The following GBP5 variants were observed in gnomAD, a reference collection of about 807,000 sequenced individuals.
GBP5 encodes guanylate binding protein 5, also known as guanylate-binding protein 5.
A neutral mutation model predicts 58.2 loss-of-function variants in GBP5; 48 were observed. The observed-to-expected ratio is 0.83, with a 90% confidence interval of 0.65 to 1.05. The LOEUF (loss-of-function observed/expected upper bound fraction) is 1.05. Ranked by LOEUF, GBP5 falls within the 50% of genes least tolerant of loss-of-function variation. The pLI is 0.00. For synonymous variants in GBP5, 248 were observed against 251.8 expected (o/e 0.98, Z 0.14); for missense variants, 714 against 686.8 (o/e 1.04, Z -0.44).
intron 1 of GBP5, 27 bp from the exon 2 acceptor site, chr1:89,270,889 A>G (rs1650419773): frequency 2.0e-5 from 3 of 152,236 alleles, no homozygotes; most frequent in Admixed American, 2.0e-4. Flanking sequence ...TACATAAGCC[A>G]AATCTATAAG....
In GBP5 at chr1:89,267,084, A is replaced by G. The variant is rs374463362; in HGVS notation, c.498T>C (p.Pro166=). 2.5e-6 allele frequency: 4 copies of G among 1,612,052 alleles called. No individual in the cohort carries two copies. In the African/African-American group the frequency reaches 5.3e-5, roughly 22 times the overall value. The change falls in exon 6 of 12, where the codon CCT becomes CCC. Residue 166 remains proline (P), a synonymous_variant. Coordinates refer to ENST00000370459, the MANE Select transcript of GBP5 (RefSeq NM_052942.5). ...NSPDLDRVED[P]ADSASFFPDL... is the part of the protein sequence containing the mutation. Reference sequence around the variant, plus strand: ...CTGGGAAGAAGCTCGCAGAGTCAGCAGGATCTTCAACCCTGTCAAGGTCGG... The same window carrying G: ...CTGGGAAGAAGCTCGCAGAGTCAGCGGGATCTTCAACCCTGTCAAGGTCGG...
rs2100595676 is a variant in GBP5, at chr1:89,267,400, A to T, written c.428+17T>A. On this transcript the variant is annotated intron_variant, in intron 5 of 11. Transcript: ENST00000370459. ...TTCTGTCGGACTTTGGTGCCATCCC[A>T]TACCACAAAAGGATACTGCAGTAGG... 1 of 1,563,118 alleles carries T rather than the reference A, an allele frequency of 6.4e-7. No individual in the cohort carries two copies. Among genetic ancestry groups the T allele is most frequent in the East Asian group, 2.2e-5 (1 of 44,612 alleles).
At position 89,267,458 on chromosome 1, in the gene GBP5, A is replaced by AT; in HGVS notation, c.386dup (p.Asn129LysfsTer7). ...CACCCTGATCAATTTTGTTCACAGT[A>AT]TTGTACACAAAGGTGCTGCTCAGTA... On this transcript the variant is annotated frameshift_variant, in exon 5 of 12. Transcript: ENST00000370459. LOFTEE classifies it high-confidence loss of function. 1 of 1,613,980 alleles carries AT rather than the reference A, an allele frequency of 6.2e-7. No homozygotes were observed. The highest frequency in any genetic ancestry group is 8.5e-7 in the Non-Finnish European group (1 of 1,179,870).
Position 89,266,370 on chromosome 1 carries a change from C to T in GBP5, c.844G>A (p.Gly282Ser). 1 of 1,613,674 alleles carries T rather than the reference C, an allele frequency of 6.2e-7. No homozygotes were observed. Among genetic ancestry groups the T allele is most frequent in the Non-Finnish European group, 8.5e-7 (1 of 1,179,608 alleles). Reference sequence around the variant, plus strand: ...CGAGATCCATTGACCATGATGCCACCTGGAAGAGTCTTGGTCATAGAATGG... The same window carrying T: ...CGAGATCCATTGACCATGATGCCACTTGGAAGAGTCTTGGTCATAGAATGG... ...FSHSMTKTLP[G>S]GIMVNGSRLK... The change falls in exon 7 of 12, where the codon GGT (glycine) becomes AGT (serine). Residue 282 changes from glycine (G) to serine (S), a missense_variant. Physicochemically the swap from Gly to Ser is moderately conservative, Grantham distance 56 (BLOSUM62 0). Transcript: ENST00000370459.
In GBP5 at chr1:89,272,656, T is replaced by TA. The variant is rs1425791056; in HGVS notation, c.-333dup. On this transcript the variant is annotated 5_prime_UTR_variant, in exon 1 of 12. Coordinates refer to ENST00000370459, the MANE Select transcript of GBP5 (RefSeq NM_052942.5). ...AGCTGCAGACCTTCGCGGTGAGTGT[T>TA]ACAGCTCTTAAGGCTGCGCGTCTGG... 6.4e-6 allele frequency: 1 copy of TA among 155,148 alleles called. No homozygotes were observed. The highest frequency in any genetic ancestry group is 1.4e-5 in the Non-Finnish European group (1 of 70,444). 9.6% of individuals were successfully genotyped at this position (155,148 alleles called of 1,614,324 possible). A position where few individuals can be genotyped will look rare whatever the true frequency, so the allele number is the denominator to read the frequency against.
chr1:89,267,444 A>G lies in GBP5; in HGVS notation c.401T>C (p.Ile134Thr). 1 of 1,613,606 alleles carries G rather than the reference A, an allele frequency of 6.2e-7. No individual in the cohort carries two copies. Among genetic ancestry groups the G allele is most frequent in the Non-Finnish European group, 8.5e-7 (1 of 1,179,522 alleles). Residue 134 changes from isoleucine to threonine, a missense_variant, in exon 5 of 12, where the codon ATT becomes ACT. Transcript: ENST00000370459. ...CAGTAGGTCGATAGCACCCTGATCA[A>G]TTTTGTTCACAGTATTGTACACAAA... Reference protein sequence around the residue: ...STFVYNTVNKIDQGAIDLLHN... With the variant: ...STFVYNTVNKTDQGAIDLLHN...
At chr1:89,263,663 A>C in intron 9 of GBP5, 73 bp downstream of exon 9, 1 of 1,013,834 alleles carries the variant, frequency 9.9e-7, no homozygotes, top group East Asian at 2.4e-5. Flanking sequence ...TATACATGGC[A>C]ATTTTCCTGT....
chr1:89,265,499 C>A (rs563109764), intron 7 of GBP5, among the ~76,000 whole-genome samples: 3 of 151,196 alleles, frequency 2.0e-5, no homozygotes, highest in Non-Finnish European at 4.4e-5. Context: ...GAGGCTGAGG[C>A]GGGCGGATCA....
chr1:89,263,898 T>C lies in GBP5; in HGVS notation c.1200A>G (p.Ala400=), dbSNP rs1650108658. ...GTAAAGCCGAGCAATAATCCGAGGA[T>C]GCTTCCAGGTTCCGTTTACAAATGT... ...QNDICKRNLE[A]SSDYCSALLK... Residue 400 remains alanine, a synonymous_variant, in exon 9 of 12, where the codon GCA becomes GCG. Coordinates refer to ENST00000370459, the MANE Select transcript of GBP5 (RefSeq NM_052942.5). The C allele has an allele frequency of 1.2e-6, 2 of 1,612,600 alleles. No homozygotes were observed. Among genetic ancestry groups the C allele is most frequent in the South Asian group, 2.2e-5 (2 of 90,994 alleles).
intron 7 of GBP5, 101 bp from the exon 8 acceptor site, chr1:89,265,067 A>G: frequency 8.5e-7 from 1 of 1,182,648 alleles, no homozygotes; most frequent in Non-Finnish European, 1.2e-6. Flanking sequence ...CATTGCCTGA[A>G]ATTGTTTAGC....
rs1364868183 is a variant in GBP5 at position 89,260,775 on chromosome 1, T to C, written c.1690A>G (p.Arg564Gly). ...TGCTGGAGCTCACTGAGAAGGCTTC[T>C]ATTTTGAGCTTGGAATGTTGTGCTG... The part of the protein sequence containing the change: ...QLSTTFQAQN[R>G]SLLSELQHAQ... The change falls in exon 12 of 12, where the codon AGA (arginine) becomes GGA (glycine). Residue 564 changes from arginine to glycine, a missense_variant. Arg to Gly is a moderately radical substitution (Grantham distance 125). Coordinates refer to ENST00000370459, the MANE Select transcript of GBP5 (RefSeq NM_052942.5). The C allele has an allele frequency of 6.2e-7, 1 of 1,614,018 alleles. No homozygotes were observed. The highest frequency in any genetic ancestry group is 8.5e-7 in the Non-Finnish European group (1 of 1,179,978).
chr1:89,256,920 ATACAC>A lies in GBP5; in HGVS notation c.*3779_*3783del, dbSNP rs1243595763. On this transcript the variant is annotated 3_prime_UTR_variant, in exon 12 of 12. Transcript: ENST00000370459. ...ACTTTCTATTCTGTTGGTGATCGTT[ATACAC>A]TAGAGTCATTACCACATTTTCTCTA... 3.8e-4 allele frequency among the ~76,000 whole-genome samples: 58 copies of A among 152,302 alleles called. No homozygotes were observed. The highest frequency in any genetic ancestry group is 1.6e-3 in the Admixed American group (25 of 15,306).
Position 89,260,642 on chromosome 1 carries a change from T to C in GBP5, c.*62A>G. 1 of 974,774 alleles carries C rather than the reference T, an allele frequency of 1.0e-6. No homozygotes were observed. Among genetic ancestry groups the C allele is most frequent in the South Asian group, 1.4e-5 (1 of 72,022 alleles). 60.4% of individuals were successfully genotyped at this position (974,774 alleles called of 1,614,324 possible). On this transcript the variant is annotated 3_prime_UTR_variant, in exon 12 of 12. Coordinates refer to ENST00000370459, the MANE Select transcript of GBP5 (RefSeq NM_052942.5). ...TGTTGATTGTCCCAAGGTCTACAGTTTCTTTTCTGTTGTGTCATCAGTGAC... is the reference window on the plus strand; with the variant it reads ...TGTTGATTGTCCCAAGGTCTACAGTCTCTTTTCTGTTGTGTCATCAGTGAC...
Position 89,269,395 on chromosome 1 carries a change from A to C in GBP5, c.161T>G (p.Leu54Arg), listed in dbSNP as rs201053085. 13 of 1,613,968 alleles carry C rather than the reference A, an allele frequency of 8.1e-6. No individual in the cohort carries two copies. In the Admixed American group the frequency reaches 1.8e-4, roughly 23 times the overall value. Reference sequence around the variant, plus strand: ...GTTCTTCCCAGCCAGCTTGTTCATCAGGTAGGATTTGCCAGTGCGATAGAG... The same window carrying C: ...GTTCTTCCCAGCCAGCTTGTTCATCCGGTAGGATTTGCCAGTGCGATAGAG... ...VGLYRTGKSY[L>R]MNKLAGKNKG... Residue 54 changes from leucine to arginine, a missense_variant, in exon 3 of 12, where the codon CTG becomes CGG. By Grantham distance (102) the Leu-to-Arg change is moderately radical (BLOSUM62 -2). Transcript: ENST00000370459.
At position 89,268,729 on chromosome 1, in the gene GBP5, C is replaced by T. The variant is rs147816214; in HGVS notation, c.318G>A (p.Lys106=). The part of the protein sequence containing the change: ...LDTEGLGDVE[K]ADNKNDIQIF... ...GTTAAAAAAAGGAATCCTTCCTTAC[C>T]TTCTCTACATCTCCCAGGCCCTCGG... The change falls in exon 4 of 12, where the codon AAG becomes AAA. Residue 106 remains lysine (K), a splice_region_variant and synonymous_variant. Coordinates refer to ENST00000370459, the MANE Select transcript of GBP5 (RefSeq NM_052942.5). 473 of 1,613,748 alleles carry T rather than the reference C, an allele frequency of 2.9e-4. No homozygotes were observed. The highest frequency in any genetic ancestry group is 3.9e-4 in the Non-Finnish European group (461 of 1,179,882).
At chr1:89,261,904 A>G (rs1440734350) in intron 11 of GBP5, among the ~76,000 whole-genome samples, 1 of 152,228 alleles carries the variant, frequency 6.6e-6, no homozygotes, top group Non-Finnish European at 1.5e-5. Context: ...GTTTTTATTT[A>G]ACAACATATA....
Position 89,262,354 on chromosome 1 carries a change from C to A in GBP5, c.1513G>T (p.Ala505Ser). 1 of 1,614,102 alleles carries A rather than the reference C, an allele frequency of 6.2e-7. No homozygotes were observed. Among genetic ancestry groups the A allele is most frequent in the Non-Finnish European group, 8.5e-7 (1 of 1,180,010 alleles). The change falls in exon 11 of 12, where the codon GCG (alanine) becomes TCG (serine). Residue 505 changes from alanine to serine, a missense_variant. Transcript: ENST00000370459. ...TGCTCGTTCTGCCTTTGAATCGCCG[C>A]CAACCTTTGCGCTTCAGCCTTTTCA... is the stretch of plus-strand genomic sequence containing the variant. ...EAEKAEAQRL[A>S]AIQRQNEQMM... is the part of the protein sequence containing the mutation.
intron 11 of GBP5, 175 bp downstream of exon 11, chr1:89,262,045 G>C (rs1650022352): frequency 3.3e-6 from 2 of 613,364 alleles, no homozygotes; most frequent in Admixed American, 5.9e-5. Context: ...AGAGGTGATA[G>C]ATAACTTGCC....
chr1:89,261,830 G>T (rs1312518993), intron 11 of GBP5, among the ~76,000 whole-genome samples: 1 of 152,138 alleles, frequency 6.6e-6, no homozygotes, highest in Admixed American at 6.5e-5. Flanking sequence ...CAAAGCAAAA[G>T]ATCATCCAGG....
Sources: gnomAD v4.1 joint callset for allele counts (sites outside exome capture counted in the v4.1 genomes callset) on GRCh38, gnomAD v4.1.1 for gene constraint, MANE v1.5 for transcripts, NCBI Gene and HGNC (gene_info 2026-07-23, HGNC 2026-07-21) for gene names.